Variants in SLC16A9 observed in about 807,000 individuals in gnomAD.
The protein encoded by SLC16A9 is solute carrier family 16 member 9, also known as monocarboxylate transporter 9.
Under a neutral mutation model 44.3 loss-of-function variants are expected in SLC16A9, and 26 were observed. The observed-to-expected ratio is 0.59, with a 90% confidence interval of 0.43 to 0.81. The LOEUF is 0.81. Ranked by LOEUF, SLC16A9 falls within the 40% of genes least tolerant of loss-of-function variation. SLC16A9 has a pLI of 0.00. For missense variants in SLC16A9, 559 were observed against 595.8 expected, an observed-to-expected ratio of 0.94 and a Z score of 0.64; for synonymous variants, 230 against 225.1, an observed-to-expected ratio of 1.02 and a Z score of -0.19.
chr10:59,654,276 GT>G lies in SLC16A9; in HGVS notation c.749del (p.Asp250AlafsTer10), dbSNP rs774905185. The G allele has an allele frequency of 5.0e-6, 8 of 1,614,152 alleles. No homozygotes were observed. Among genetic ancestry groups the G allele is most frequent in the Non-Finnish European group, 6.8e-6 (8 of 1,180,030 alleles). On this transcript the variant is annotated frameshift_variant, in exon 5 of 6. Coordinates refer to ENST00000395348, the MANE Select transcript of SLC16A9 (RefSeq NM_194298.3). LOFTEE classifies it high-confidence loss of function. ...ITLANGDWKQDSLLHKNPTVT... is the reference protein window; with the variant it reads ...ITLANGDWKQXSLLHKNPTVT... Reference sequence around the variant, plus strand: ...CTGTGGGGTTTTTATGAAGTAGGCTGTCTTGTTTCCAGTCACCATTGGCTAA... The same window carrying G: ...CTGTGGGGTTTTTATGAAGTAGGCTGCTTGTTTCCAGTCACCATTGGCTAA...
At chr10:59,669,133 T>G (rs1839689576) in intron 3 of SLC16A9, among the ~76,000 whole-genome samples, 1 of 152,268 alleles carries the variant, frequency 6.6e-6, no homozygotes, top group South Asian at 2.1e-4. Flanking sequence ...TAACAATATA[T>G]TCTAAAGAAA....
intron 4 of SLC16A9, 30 bp from the exon 5 acceptor site, chr10:59,654,619 C>T (rs754083929): frequency 4.7e-6 from 7 of 1,495,108 alleles, no homozygotes; most frequent in Non-Finnish European, 4.4e-6. Context: ...TGTTCAACCT[C>T]GTAATCTGAG....
intron 2 of SLC16A9, among the ~76,000 whole-genome samples, chr10:59,682,611 C>T (rs750006972): frequency 2.6e-5 from 4 of 152,100 alleles, no homozygotes; most frequent in Non-Finnish European, 4.4e-5. Flanking sequence ...ATCCTTTGAC[C>T]CTTGCTGGAA....
intron 4 of SLC16A9, among the ~76,000 whole-genome samples, chr10:59,657,445 CT>C (rs1198393105): frequency 2.6e-5 from 4 of 152,190 alleles, no homozygotes; most frequent in African/African-American, 9.6e-5. Flanking sequence ...TCTGCTGTGA[CT>C]TTTGTTTAGC....
chr10:59,654,729 A>G (rs1338067018), intron 4 of SLC16A9, 140 bp from the exon 5 acceptor site: 3 of 636,214 alleles, frequency 4.7e-6, no homozygotes, highest in Non-Finnish European at 7.7e-6. Context: ...AAGATAGAAG[A>G]TAACAATAAT....
chr10:59,653,003 C>T, intron 5 of SLC16A9, 53 bp from the exon 6 acceptor site: 1 of 1,363,852 alleles, frequency 7.3e-7, no homozygotes, highest in African/African-American at 1.5e-5. Flanking sequence ...TATGAACATC[C>T]ATCCCATACC....
rs60205519 is a variant in SLC16A9, at chr10:59,681,405, ATATATGTATATG to A, written c.196+2679_196+2690del. On this transcript the variant is annotated intron_variant, in intron 2 of 5. Coordinates refer to ENST00000395348, the MANE Select transcript of SLC16A9 (RefSeq NM_194298.3). ...CTTGTACACAATATCTAAAGTATAT[ATATATGTATATG>A]TATATGTATATGTATATGATGTATA... Among the ~76,000 whole-genome samples, 26 of 17,838 alleles carry A rather than the reference ATATATGTATATG, an allele frequency of 1.5e-3. 2 individuals are homozygous for A. The highest frequency in any genetic ancestry group is 2.6e-3 in the African/African-American group (24 of 9,220). 11.7% of individuals were successfully genotyped at this position (17,838 alleles called of 152,430 possible). A position where few individuals can be genotyped will look rare whatever the true frequency, so the allele number is the denominator to read the frequency against.
intron 4 of SLC16A9, 59 bp downstream of exon 4, chr10:59,664,168 T>C: frequency 1.6e-6 from 2 of 1,260,562 alleles, no homozygotes; most frequent in Non-Finnish European, 2.2e-6. Flanking sequence ...GCTTGGTAAC[T>C]TTTTACTTTG....
At position 59,653,732 on chromosome 10, in the gene SLC16A9, AG is replaced by A. The variant is rs763851355; in HGVS notation, c.1293del (p.Tyr432MetfsTer4). On this transcript the variant is annotated frameshift_variant, in exon 5 of 6. Transcript: ENST00000395348. LOFTEE classifies it high-confidence loss of function. ...CCAGCAAAGAACATTAATATCCCAT[AG>A]GCATGGGCTAATTTTTCAATTCCCA... is the stretch of plus-strand genomic sequence containing the variant. ...KTVGIEKLAH[A>X]YGILMFFAGL... The A allele has an allele frequency of 6.2e-7, 1 of 1,614,088 alleles. No homozygotes were observed. The highest frequency in any genetic ancestry group is 1.1e-5 in the South Asian group (1 of 91,080).
At chr10:59,654,787 C>A (rs1839312406) in intron 4 of SLC16A9, among the ~76,000 whole-genome samples, 198 bp from the exon 5 acceptor site, 1 of 152,120 alleles carries the variant, frequency 6.6e-6, no homozygotes, top group Non-Finnish European at 1.5e-5. Flanking sequence ...TTAGAATTTG[C>A]AGCTCAGACA....
intron 1 of SLC16A9, among the ~76,000 whole-genome samples, chr10:59,703,368 T>C (rs1022719280): frequency 6.6e-6 from 1 of 152,216 alleles, no homozygotes; most frequent in African/African-American, 2.4e-5. Context: ...AATTCTCCTA[T>C]CATGGCCTCC....
At chr10:59,661,441 G>A (rs905101369) in intron 4 of SLC16A9, among the ~76,000 whole-genome samples, 1 of 152,062 alleles carries the variant, frequency 6.6e-6, no homozygotes, top group East Asian at 1.9e-4. Context: ...AACTTACAAG[G>A]CATGTGAAGG....
intron 3 of SLC16A9, among the ~76,000 whole-genome samples, chr10:59,665,772 C>T (rs1193958563): frequency 2.0e-5 from 3 of 152,016 alleles, no homozygotes; most frequent in South Asian, 2.1e-4. Flanking sequence ...TCCGTGATTT[C>T]GTTGTCAGAG....
intron 1 of SLC16A9, among the ~76,000 whole-genome samples, chr10:59,707,203 AAG>A (rs1170258755): frequency 4.8e-5 from 7 of 147,020 alleles, no homozygotes; most frequent in Non-Finnish European, 4.5e-5. Flanking sequence ...AGTGAGAAGA[AAG>A]AGAGAGAGAG....
intron 1 of SLC16A9, among the ~76,000 whole-genome samples, chr10:59,708,318 A>G (rs532920592): frequency 6.6e-6 from 1 of 152,364 alleles, no homozygotes; most frequent in African/African-American, 2.4e-5. Flanking sequence ...AGCTATAATC[A>G]TGCAACAAAT....
At position 59,672,815 on chromosome 10, in the gene SLC16A9, C is replaced by A. The variant is rs372591795; in HGVS notation, c.295G>T (p.Ala99Ser). The change falls in exon 3 of 6, where the codon GCT becomes TCT. Residue 99 changes from alanine (A) to serine (S), a missense_variant. Physicochemically the swap from Ala to Ser is moderately conservative, Grantham distance 99. Transcript: ENST00000395348. ...AAAAACAGAAAGTAGATATTGGGAGCAAAACTGCTCAACATCAGGCCTCCA... is the reference window on the plus strand; with the variant it reads ...AAAAACAGAAAGTAGATATTGGGAGAAAAACTGCTCAACATCAGGCCTCCA... ...VAGGLMLSSF[A>S]PNIYFLFFSY... The A allele has an allele frequency of 5.0e-6, 8 of 1,613,564 alleles. No homozygotes were observed. The African/African-American group carries it at 5.3e-5, about 11-fold the overall frequency.
rs1839213406 is a variant in SLC16A9 at position 59,652,057 on chromosome 10, G to C, written c.*715C>G. 1 of 152,194 alleles carries C rather than the reference G, an allele frequency of 6.6e-6. No homozygotes were observed. Among genetic ancestry groups the C allele is most frequent in the African/African-American group, 2.4e-5 (1 of 41,452 alleles). 9.4% of individuals were successfully genotyped at this position (152,194 alleles called of 1,614,324 possible). On this transcript the variant is annotated 3_prime_UTR_variant, in exon 6 of 6. Transcript: ENST00000395348. Reference sequence around the variant, plus strand: ...CAAGGTTGGAGTGGTCAACCATGAAGAAAGTCTACAGTGACTACTTCTCCA... The same window carrying C: ...CAAGGTTGGAGTGGTCAACCATGAACAAAGTCTACAGTGACTACTTCTCCA...
At chr10:59,653,282 C>A (rs988453676) in intron 5 of SLC16A9, among the ~76,000 whole-genome samples, 3 of 151,172 alleles carry the variant, frequency 2.0e-5, no homozygotes, top group Non-Finnish European at 2.9e-5. Context: ...AAACATTAGC[C>A]GGGCGTGGTG....
At chr10:59,669,692 C>G (rs77383423) in intron 3 of SLC16A9, among the ~76,000 whole-genome samples, 213 of 152,162 alleles carry the variant, frequency 1.4e-3, no homozygotes, top group African/African-American at 4.7e-3. Context: ...AAAAATGAGT[C>G]AAGCGTGGTG....
Sources: allele counts gnomAD v4.1 joint callset (sites outside exome capture counted in the v4.1 genomes callset), GRCh38; gene constraint gnomAD v4.1.1; transcripts MANE v1.5; gene names NCBI Gene and HGNC (gene_info 2026-07-23, HGNC 2026-07-21).